Variants in CHURC1 observed in about 807,000 individuals in gnomAD.
CHURC1 encodes the protein churchill domain containing 1, also known as protein Churchill.
In CHURC1, 12 loss-of-function variants were observed where a neutral mutation model predicts 15.4. The observed-to-expected ratio is 0.78, with a 90% CI of 0.50 to 1.27. The LOEUF is 1.27. Among genes scored for constraint, CHURC1 ranks in the 50% most tolerant of loss-of-function variants. CHURC1 has a pLI of 0.00. For synonymous variants in CHURC1, 42 were observed against 47.5 expected (o/e 0.88, Z 0.48); for missense variants, 132 against 137.8 (o/e 0.96, Z 0.21).
intron 1 of CHURC1, among the ~76,000 whole-genome samples, chr14:64,921,583 A>G (rs939056730): frequency 6.6e-6 from 1 of 152,242 alleles, no homozygotes; most frequent in African/African-American, 2.4e-5. Flanking sequence ...TTAGTCATCA[A>G]GGAAACAAAA....
rs530715436 is a variant in CHURC1, at chr14:64,934,397, T to G, written c.*2167T>G. 121 of 974,710 alleles carry G rather than the reference T, an allele frequency of 1.2e-4. 1 individual carries two copies. In the African/African-American group the frequency reaches 2.0e-3, roughly 16 times the overall value. 60.4% of individuals were successfully genotyped at this position (974,710 alleles called of 1,614,324 possible). A position where few individuals can be genotyped will look rare whatever the true frequency, so the allele number is the denominator to read the frequency against. On this transcript the variant is annotated 3_prime_UTR_variant, in exon 4 of 4. Coordinates refer to ENST00000549115, the MANE Select transcript of CHURC1 (RefSeq NM_001386928.1). Reference sequence around the variant, plus strand: ...CAACAAAAAAAGAAGTTAAATAACTTGTTTAAGATCACACAGCTAGTGCAG... The same window carrying G: ...CAACAAAAAAAGAAGTTAAATAACTGGTTTAAGATCACACAGCTAGTGCAG...
At chr14:64,930,772 T>C (rs1165167869) in intron 3 of CHURC1, 1 of 438,464 alleles carries the variant, frequency 2.3e-6, no homozygotes, top group Middle Eastern at 3.4e-4. Flanking sequence ...GACTCTTTAC[T>C]TTTTTCCTTC....
chr14:64,916,869 C>T lies in CHURC1; in HGVS notation c.39+2335C>T, dbSNP rs143335954. ...CTAGGATTACAGGCGTGAGCCACCGCGCCGGGCCTTAGGTTGGATTCTTAA... is the reference window on the plus strand; with the variant it reads ...CTAGGATTACAGGCGTGAGCCACCGTGCCGGGCCTTAGGTTGGATTCTTAA... On this transcript the variant is annotated intron_variant, in intron 1 of 3. Transcript: ENST00000549115. Among the ~76,000 whole-genome samples, 536 of 152,152 alleles carry T rather than the reference C, an allele frequency of 3.5e-3. 1 individual carries two copies. Among genetic ancestry groups the T allele is most frequent in the Middle Eastern group, 0.01 (3 of 294 alleles).
At chr14:64,925,696 CAAAAAAAAAAAAAAA>C (rs3033506) in intron 2 of CHURC1, among the ~76,000 whole-genome samples, 1 of 66,196 alleles carries the variant, frequency 1.5e-5, no homozygotes, top group Non-Finnish European at 2.8e-5. Context: ...GACCCGGCCT[CAAAAAAAAAAAAAAA>C]AAAAAAGAAA....
chr14:64,922,610 AAGC>A (rs900230910), intron 1 of CHURC1, among the ~76,000 whole-genome samples: 7 of 151,834 alleles, frequency 4.6e-5, no homozygotes, highest in Non-Finnish European at 7.4e-5. Context: ...AATCAAAGCA[AAGC>A]ATTTGTTCTT....
rs1885228331 is a variant in CHURC1, at chr14:64,934,351, A to G, written c.*2121A>G. On this transcript the variant is annotated 3_prime_UTR_variant, in exon 4 of 4. Coordinates refer to ENST00000549115, the MANE Select transcript of CHURC1 (RefSeq NM_001386928.1). ...AGACAGAGCAAGACTCCATCTCAAA[A>G]ACAAAAACAAAACAAAACAACAACA... 1.1e-6 allele frequency: 1 copy of G among 901,612 alleles called. No homozygotes were observed. Among genetic ancestry groups the G allele is most frequent in the African/African-American group, 1.8e-5 (1 of 55,442 alleles). The allele number at this position is 901,612 out of a possible 1,614,324, so 55.9% of individuals were successfully genotyped here.
chr14:64,918,633 G>A (rs1461315676), intron 1 of CHURC1, among the ~76,000 whole-genome samples: 1 of 152,160 alleles, frequency 6.6e-6, no homozygotes, highest in Admixed American at 6.5e-5. Flanking sequence ...TTTGAGACCA[G>A]CCTGGGCTAC....
chr14:64,932,065 C>G (rs9323457), intron 3 of CHURC1, 73 bp from the exon 4 acceptor site: 129,727 of 1,540,400 alleles, frequency 0.084, 8,047 homozygotes, highest in South Asian at 0.25. Context: ...TAGAGAACAT[C>G]TTAACTAGAG....
At position 64,931,970 on chromosome 14, in the gene CHURC1, G is replaced by A. The variant is rs189057936; in HGVS notation, c.247-168G>A. On this transcript the variant is annotated intron_variant, in intron 3 of 3. Transcript: ENST00000549115. ...CAATTTATATAAACAACAGGCTCTG[G>A]AATATACAGAATAAGCCTAAGACAT... Among the ~76,000 whole-genome samples the A allele has an allele frequency of 1.1e-3, 166 of 152,310 alleles. 1 individual carries two copies. The highest frequency in any genetic ancestry group is 3.6e-3 in the African/African-American group (148 of 41,564).
At chr14:64,928,986 C>G (rs1203417966) in intron 3 of CHURC1, among the ~76,000 whole-genome samples, 1 of 152,056 alleles carries the variant, frequency 6.6e-6, no homozygotes, top group African/African-American at 2.4e-5. Flanking sequence ...GCCTTCGTGC[C>G]TACACCCCTC....
At chr14:64,926,118 G>A (rs1391833695) in intron 3 of CHURC1, 38 bp downstream of exon 3, 2 of 1,422,050 alleles carry the variant, frequency 1.4e-6, no homozygotes, top group Non-Finnish European at 1.9e-6. Context: ...AATATGGGGA[G>A]GTTAGGGGAA....
intron 1 of CHURC1, among the ~76,000 whole-genome samples, chr14:64,923,630 A>G (rs993786632): frequency 1.3e-5 from 2 of 152,020 alleles, no homozygotes; most frequent in Non-Finnish European, 2.9e-5. Context: ...GCCTCGTTTA[A>G]TATTGTTGGT....
In CHURC1 at chr14:64,923,705, A is replaced by G. The variant is rs1029495499; in HGVS notation, c.40-286A>G. On this transcript the variant is annotated intron_variant, in intron 1 of 3. Transcript: ENST00000549115. Reference sequence around the variant, plus strand: ...TAAGGTTTCCTTAAGTTGTTTCTAAATATCTATTTTCAGTTTATCCTCCCT... The same window carrying G: ...TAAGGTTTCCTTAAGTTGTTTCTAAGTATCTATTTTCAGTTTATCCTCCCT... 1.2e-4 allele frequency among the ~76,000 whole-genome samples: 18 copies of G among 151,176 alleles called. 2 individuals are homozygous for G. Among genetic ancestry groups the G allele is most frequent in the Admixed American group, 1.1e-3 (16 of 15,182 alleles).
intron 3 of CHURC1, among the ~76,000 whole-genome samples, chr14:64,927,716 A>ACCCCC (rs1172402751): frequency 1.2e-4 from 5 of 40,700 alleles, no homozygotes; most frequent in Non-Finnish European, 2.4e-4. Flanking sequence ...TTCTCCCCCC[A>ACCCCC]CCCCCCCCCC....
intron 1 of CHURC1, among the ~76,000 whole-genome samples, chr14:64,917,545 A>G (rs939212472): frequency 1.4e-4 from 21 of 152,172 alleles, no homozygotes; most frequent in African/African-American, 4.3e-4. Context: ...CATGGGTGAC[A>G]AGAGCAAAAC....
In CHURC1 at chr14:64,914,549, G is replaced by T. The variant is rs374069327; in HGVS notation, c.39+15G>T. 36 of 1,614,002 alleles carry T rather than the reference G, an allele frequency of 2.2e-5. No homozygotes were observed. Among genetic ancestry groups the T allele is most frequent in the South Asian group, 8.8e-5 (8 of 91,088 alleles). ...ATCCCAACCGGGTGAGCGACTGGGC[G>T]CTCCCTTGGCCCGCGGGCGGCCCCC... On this transcript the variant is annotated intron_variant, in intron 1 of 3. Coordinates refer to ENST00000549115, the MANE Select transcript of CHURC1 (RefSeq NM_001386928.1).
chr14:64,921,796 C>G (rs774295516), intron 1 of CHURC1, among the ~76,000 whole-genome samples: 1 of 152,046 alleles, frequency 6.6e-6, no homozygotes, highest in Non-Finnish European at 1.5e-5. Context: ...ACATATTTAC[C>G]CAAGGGAAAG....
intron 3 of CHURC1, 117 bp from the exon 4 acceptor site, chr14:64,932,021 T>C: frequency 1.5e-6 from 2 of 1,297,080 alleles, no homozygotes; most frequent in South Asian, 1.6e-5. Context: ...AAGAAATTGA[T>C]CCAATGTACA....
chr14:64,918,629 A>AC (rs1313371549), intron 1 of CHURC1, among the ~76,000 whole-genome samples: 1 of 152,164 alleles, frequency 6.6e-6, no homozygotes, highest in Non-Finnish European at 1.5e-5. Flanking sequence ...GGAGTTTGAG[A>AC]CCAGCCTGGG....
Sources: gnomAD v4.1 joint callset for allele counts (sites outside exome capture counted in the v4.1 genomes callset) on GRCh38, gnomAD v4.1.1 for gene constraint, MANE v1.5 for transcripts, NCBI Gene and HGNC (gene_info 2026-07-23, HGNC 2026-07-21) for gene names.